Variants in DOCK5 observed in about 807,000 individuals in gnomAD.
DOCK5 encodes the protein dedicator of cytokinesis protein 5.
A neutral mutation model predicts 251.8 loss-of-function variants in DOCK5; 142 were observed. The ratio of observed to expected loss-of-function variants is 0.56; its 90% CI spans 0.49 to 0.65. DOCK5 has a LOEUF of 0.65. DOCK5 is among the 30% of genes least tolerant of loss of function. DOCK5 has a pLI of 0.00. For synonymous variants in DOCK5, 842 were observed against 835.5 expected (o/e 1.01, Z -0.13); for missense variants, 2,111 against 2,312.3 (o/e 0.91, Z 1.79).
chr8:25,399,541 A>G (rs1459685157), intron 45 of DOCK5, among the ~76,000 whole-genome samples: 4 of 152,142 alleles, frequency 2.6e-5, no homozygotes, highest in Middle Eastern at 3.2e-3. Flanking sequence ...TATAATATCT[A>G]TGCACTTAAT....
At chr8:25,194,571 C>T (rs1384306856) in intron 1 of DOCK5, among the ~76,000 whole-genome samples, 3 of 152,092 alleles carry the variant, frequency 2.0e-5, no homozygotes, top group Non-Finnish European at 4.4e-5. Context: ...CCTTGGCTCT[C>T]ATTCCCATTC....
At chr8:25,365,453 GA>G (rs1800759586) in intron 30 of DOCK5, among the ~76,000 whole-genome samples, 1 of 152,218 alleles carries the variant, frequency 6.6e-6, no homozygotes, top group Non-Finnish European at 1.5e-5. Context: ...ACAAAGCAAT[GA>G]AAGAATGAAG....
At chr8:25,276,473 G>T (rs1586287168) in intron 4 of DOCK5, among the ~76,000 whole-genome samples, 1 of 152,174 alleles carries the variant, frequency 6.6e-6, no homozygotes, top group East Asian at 1.9e-4. Flanking sequence ...TTAGGTGATG[G>T]TGAGTCTCTG....
intron 5 of DOCK5, among the ~76,000 whole-genome samples, chr8:25,284,109 C>G (rs1804272956): frequency 6.6e-6 from 1 of 152,140 alleles, no homozygotes; most frequent in African/African-American, 2.4e-5. Context: ...ACAGAAAGAA[C>G]TTGGATGCAG....
intron 1 of DOCK5, among the ~76,000 whole-genome samples, chr8:25,207,267 C>G (rs1802022739): frequency 6.6e-6 from 1 of 152,126 alleles, no homozygotes; most frequent in African/African-American, 2.4e-5. Context: ...CAAGGTGAGG[C>G]AGCAAGTGCT....
At chr8:25,365,393 C>G (rs907236549) in intron 30 of DOCK5, among the ~76,000 whole-genome samples, 2 of 152,074 alleles carry the variant, frequency 1.3e-5, no homozygotes, top group African/African-American at 4.8e-5. Flanking sequence ...CAGTGGAGGT[C>G]CTTGACTACA....
At chr8:25,313,917 A>G (rs1043932822) in intron 13 of DOCK5, among the ~76,000 whole-genome samples, 1 of 150,362 alleles carries the variant, frequency 6.7e-6, no homozygotes, top group African/African-American at 2.5e-5. Context: ...CAGCATATGA[A>G]TTTGGGGAGG....
chr8:25,225,883 G>A (rs1024901263), intron 1 of DOCK5, among the ~76,000 whole-genome samples: 1 of 152,150 alleles, frequency 6.6e-6, no homozygotes, highest in Non-Finnish European at 1.5e-5. Context: ...ACCAGGGGGT[G>A]GGAGTCTGGA....
At chr8:25,384,451 ATTTATTTATTTAT>A (rs1299911203) in intron 40 of DOCK5, among the ~76,000 whole-genome samples, 10 of 26,550 alleles carry the variant, frequency 3.8e-4, no homozygotes, top group African/African-American at 8.3e-4. Flanking sequence ...TTATTTATTT[ATTTATTTATTTAT>A]TTTTTTTTTT....
intron 1 of DOCK5, among the ~76,000 whole-genome samples, chr8:25,207,898 A>C (rs1802041713): frequency 6.6e-6 from 1 of 152,228 alleles, no homozygotes; most frequent in South Asian, 2.1e-4. Context: ...TGATGGTTCT[A>C]GGTGTAGTAC....
chr8:25,360,475 C>T (rs551107569), intron 28 of DOCK5, among the ~76,000 whole-genome samples: 2 of 152,292 alleles, frequency 1.3e-5, no homozygotes, highest in East Asian at 3.9e-4. Context: ...GTGTTCTCTA[C>T]AGGCAGGTGG....
At chr8:25,358,514 C>T (rs1221686912) in intron 27 of DOCK5, among the ~76,000 whole-genome samples, 6 of 152,172 alleles carry the variant, frequency 3.9e-5, no homozygotes, top group Non-Finnish European at 7.3e-5. Flanking sequence ...TTTTCATCAT[C>T]ATCGCTTGCC....
chr8:25,184,999 T>C (rs1055062087), intron 1 of DOCK5, 48 bp downstream of exon 1: 54 of 1,317,456 alleles, frequency 4.1e-5, no homozygotes, highest in African/African-American at 1.2e-4. Context: ...GCGGCCAAGT[T>C]CGCGGACAGC....
At chr8:25,392,078 C>T (rs915349442) in intron 43 of DOCK5, 98 bp downstream of exon 43, 28 of 1,133,924 alleles carry the variant, frequency 2.5e-5, no homozygotes, top group African/African-American at 1.6e-4. Flanking sequence ...CCGATGCGGG[C>T]GGATCACGAA....
rs1414412892 is a variant in DOCK5 at position 25,246,704 on chromosome 8, T to TCG, written c.127+2947_127+2948insCG. Among the ~76,000 whole-genome samples the TCG allele has an allele frequency of 5.4e-4, 48 of 89,602 alleles. 1 individual carries two copies. The highest frequency in any genetic ancestry group is 1.8e-3 in the African/African-American group (45 of 25,258). 58.8% of individuals were successfully genotyped at this position (89,602 alleles called of 152,430 possible). A position where few individuals can be genotyped will look rare whatever the true frequency, so the allele number is the denominator to read the frequency against. On this transcript the variant is annotated intron_variant, in intron 2 of 51. Coordinates refer to ENST00000276440, the MANE Select transcript of DOCK5 (RefSeq NM_024940.8). ...GGTAATTCTTCACTGCCATGTTAGT[T>TCG]TGTGTGTGTGTGTGTGTGTGTGTGT...
chr8:25,292,776 G>A (rs1263333932), intron 6 of DOCK5, among the ~76,000 whole-genome samples: 1 of 152,126 alleles, frequency 6.6e-6, no homozygotes, highest in Admixed American at 6.6e-5. Flanking sequence ...AAATGACCAA[G>A]CCTCTGAAGT....
In DOCK5 at chr8:25,408,019, G is replaced by C. The variant is rs201702382; in HGVS notation, c.5130G>C (p.Ser1710=). 3.1e-6 allele frequency: 5 copies of C among 1,612,670 alleles called. No individual in the cohort carries two copies. The highest frequency in any genetic ancestry group is 1.3e-5 in the African/African-American group (1 of 74,890). ...ILEPLLERRA[S]SGARVEDLSL... ...AGCCACTTTTGGAGCGCAGGGCCTC[G>C]TCAGGTGCCAGAGTTGAAGATCTGT... Residue 1710 remains serine, a synonymous_variant, in exon 49 of 52, where the codon TCG becomes TCC. Coordinates refer to ENST00000276440, the MANE Select transcript of DOCK5 (RefSeq NM_024940.8).
chr8:25,292,295 T>C, intron 6 of DOCK5, 123 bp downstream of exon 6: 1 of 1,139,716 alleles, frequency 8.8e-7, no homozygotes, highest in South Asian at 1.8e-5. Context: ...CTTACTGCTC[T>C]CATTTTGTCT....
intron 13 of DOCK5, among the ~76,000 whole-genome samples, chr8:25,316,498 A>T (rs562887536): frequency 6.6e-6 from 1 of 151,932 alleles, no homozygotes; most frequent in African/African-American, 2.4e-5. Context: ...AGAAAAACAT[A>T]CTCTATAGGC....
Sources: allele counts gnomAD v4.1 joint callset (sites outside exome capture counted in the v4.1 genomes callset), GRCh38; gene constraint gnomAD v4.1.1; transcripts MANE v1.5; gene names NCBI Gene and HGNC (gene_info 2026-07-23, HGNC 2026-07-21).